Variants in INTS12 observed in about 807,000 individuals in gnomAD.
The protein encoded by INTS12 is PHD finger protein 22.
A neutral mutation model predicts 41.6 loss-of-function variants in INTS12; 13 were observed. The observed-to-expected ratio is 0.31, with a 90% CI of 0.20 to 0.50. INTS12 has a LOEUF of 0.50. Among genes scored for constraint, INTS12 ranks in the 20% least tolerant of loss-of-function variants. The probability of loss-of-function intolerance (pLI) is 0.98; values close to 1 mark genes in which losing one functional copy is unlikely to be tolerated. For missense variants in INTS12, 432 were observed against 541.6 expected (o/e 0.80, Z 2.01); for synonymous variants, 199 against 191.4 (o/e 1.04, Z -0.33).
At chr4:105,687,077 G>T in intron 6 of INTS12, 1 of 468,614 alleles carries the variant, frequency 2.1e-6, no homozygotes, top group South Asian at 2.6e-5. Context: ...TACAGAAGAG[G>T]GTTAGTTAAA....
chr4:105,706,435 G>GT (rs999569745), intron 1 of INTS12: 4 of 151,638 alleles, frequency 2.6e-5, no homozygotes, highest in African/African-American at 9.7e-5. Context: ...TAATTTTGTT[G>GT]TTTTTTAAGT....
At chr4:105,692,757 A>G (rs916794176) in intron 5 of INTS12, among the ~76,000 whole-genome samples, 2 of 152,142 alleles carry the variant, frequency 1.3e-5, no homozygotes, top group African/African-American at 4.8e-5. Flanking sequence ...CAACAGCCTC[A>G]TAACATTTTG....
At chr4:105,703,093 A>G in intron 2 of INTS12, 2 of 873,020 alleles carry the variant, frequency 2.3e-6, no homozygotes, top group Middle Eastern at 5.9e-4. Context: ...CCTTTCCTGT[A>G]TATTCATTCC....
At chr4:105,693,849 C>T (rs2149183348) in intron 4 of INTS12, among the ~76,000 whole-genome samples, 1 of 151,286 alleles carries the variant, frequency 6.6e-6, no homozygotes, top group Middle Eastern at 3.5e-3. Flanking sequence ...GGATTCCCTT[C>T]TTTAAGATAT....
intron 1 of INTS12, chr4:105,708,416 G>A: frequency 2.0e-6 from 2 of 985,454 alleles, no homozygotes; most frequent in South Asian, 9.4e-5. Context: ...CTAGAAATAT[G>A]CTCGGTCCGC....
At chr4:105,695,979 G>A (rs112037309) in intron 3 of INTS12, among the ~76,000 whole-genome samples, 10,215 of 151,994 alleles carry the variant, frequency 0.067, 356 homozygotes, top group Middle Eastern at 0.11. Flanking sequence ...TCAGCCTCCC[G>A]TGTATCTGGG....
chr4:105,684,383 C>T lies in INTS12; in HGVS notation c.805-1066G>A, dbSNP rs542724573. Among the ~76,000 whole-genome samples, 4 of 152,046 alleles carry T rather than the reference C, an allele frequency of 2.6e-5. No homozygotes were observed. In the South Asian group the frequency reaches 6.2e-4, roughly 24 times the overall value. On this transcript the variant is annotated intron_variant, in intron 7 of 7. Transcript: ENST00000340139. Reference sequence around the variant, plus strand: ...TAAAAGATAAAATTTTACAAAATAACATCCTACTTAAAAAATGGTAGTTAT... The same window carrying T: ...TAAAAGATAAAATTTTACAAAATAATATCCTACTTAAAAAATGGTAGTTAT...
intron 3 of INTS12, among the ~76,000 whole-genome samples, chr4:105,697,425 A>G (rs938169709): frequency 4.6e-5 from 7 of 151,598 alleles, no homozygotes; most frequent in African/African-American, 1.4e-4. Context: ...AGGGGGGAAG[A>G]GAAGAAAAAG....
chr4:105,683,026 G>C lies in INTS12; in HGVS notation c.1096C>G (p.Leu366Val), dbSNP rs764178746. 2 of 1,614,142 alleles carry C rather than the reference G, an allele frequency of 1.2e-6. No homozygotes were observed. Among genetic ancestry groups the C allele is most frequent in the Non-Finnish European group, 1.7e-6 (2 of 1,179,980 alleles). ...CTAAGGCCAGTTTTACCCAAGGTTAGAGGTGGAGGTGGTTTTAAAGGTACA... is the reference window on the plus strand; with the variant it reads ...CTAAGGCCAGTTTTACCCAAGGTTACAGGTGGAGGTGGTTTTAAAGGTACA... The part of the protein sequence containing the change: ...PTVPLKPPPP[L>V]TLGKTGLSRS... Residue 366 changes from leucine to valine, a missense_variant, in exon 8 of 8, where the codon CTA becomes GTA. Physicochemically the swap from Leu to Val is conservative, Grantham distance 32. Around this residue, in one of 3 missense-constraint regions of INTS12, gnomAD observed 258 missense variants for 309.9 expected, o/e 0.83. Transcript: ENST00000340139.
Position 105,708,677 on chromosome 4 carries a change from T to A in INTS12, c.-211A>T. The A allele has an allele frequency of 1.1e-6, 1 of 900,892 alleles. No individual in the cohort carries two copies. The highest frequency in any genetic ancestry group is 1.3e-6 in the Non-Finnish European group (1 of 753,426). 55.8% of individuals were successfully genotyped at this position (900,892 alleles called of 1,614,324 possible). A position where few individuals can be genotyped will look rare whatever the true frequency, so the allele number is the denominator to read the frequency against. ...CTGCCGATCCGTCTGTTCCCGGTGG[T>A]CCCTTCGGAAACGGTTCCCGCACTG... On this transcript the variant is annotated 5_prime_UTR_variant, in exon 1 of 8. Coordinates refer to ENST00000340139, the MANE Select transcript of INTS12 (RefSeq NM_020395.4).
chr4:105,686,662 A>T (rs1731508043), intron 7 of INTS12, 30 bp downstream of exon 7: 1 of 1,521,296 alleles, frequency 6.6e-7, no homozygotes, highest in African/African-American at 1.4e-5. Flanking sequence ...TTTAAGATAT[A>T]ATCTTAGATA....
At chr4:105,694,990 T>TC (rs1731809571) in intron 4 of INTS12, among the ~76,000 whole-genome samples, 1 of 151,940 alleles carries the variant, frequency 6.6e-6, no homozygotes, top group African/African-American at 2.4e-5. Flanking sequence ...AGTGGCACGA[T>TC]CACCGCTCAC....
At chr4:105,690,243 T>C (rs1578382554) in intron 6 of INTS12, among the ~76,000 whole-genome samples, 1 of 152,056 alleles carries the variant, frequency 6.6e-6, no homozygotes, top group Non-Finnish European at 1.5e-5. Flanking sequence ...AAAGAGAAGG[T>C]CCATATATGC....
intron 5 of INTS12, among the ~76,000 whole-genome samples, 155 bp downstream of exon 5, chr4:105,693,144 T>C (rs1731746356): frequency 6.6e-6 from 1 of 152,218 alleles, no homozygotes; most frequent in African/African-American, 2.4e-5. Flanking sequence ...AATTGTTATA[T>C]GGGCAGTTAC....
chr4:105,704,251 T>TA (rs1245645520), intron 1 of INTS12, among the ~76,000 whole-genome samples: 1 of 152,224 alleles, frequency 6.6e-6, no homozygotes, highest in Non-Finnish European at 1.5e-5. Flanking sequence ...ACCTAATACA[T>TA]ACGATTGTCC....
intron 3 of INTS12, among the ~76,000 whole-genome samples, chr4:105,697,508 G>A (rs1038278698): frequency 3.3e-5 from 5 of 152,048 alleles, no homozygotes; most frequent in South Asian, 2.1e-4. Context: ...TTTAGACAAC[G>A]GGTTAGCAAA....
At chr4:105,706,095 G>A (rs1319559407) in intron 1 of INTS12, 1 of 151,516 alleles carries the variant, frequency 6.6e-6, no homozygotes, top group African/African-American at 2.4e-5. Flanking sequence ...TCTTTCTTTG[G>A]CTTATCTTCT....
intron 3 of INTS12, among the ~76,000 whole-genome samples, chr4:105,699,624 C>A (rs1731988119): frequency 6.6e-6 from 1 of 152,082 alleles, no homozygotes; most frequent in Non-Finnish European, 1.5e-5. Flanking sequence ...TTCATATACA[C>A]ATAAAGTAGT....
chr4:105,691,179 A>G (rs1171625351), intron 6 of INTS12, among the ~76,000 whole-genome samples: 1 of 152,214 alleles, frequency 6.6e-6, no homozygotes, highest in Non-Finnish European at 1.5e-5. Flanking sequence ...TTATATAGAA[A>G]TTCATTTGAT....
Sources: allele counts gnomAD v4.1 joint callset (sites outside exome capture counted in the v4.1 genomes callset), GRCh38; gene constraint gnomAD v4.1.1; regional missense constraint gnomAD v4.1.1; transcripts MANE v1.5; gene names NCBI Gene and HGNC (gene_info 2026-07-23, HGNC 2026-07-21).